PKD1L1: variants seen among roughly 807,000 people sequenced by gnomAD.
The protein encoded by PKD1L1 is polycystin 1 like 1, transient receptor potential channel interacting.
In PKD1L1, 236 loss-of-function variants were observed where a neutral mutation model predicts 323.4. The ratio of observed to expected loss-of-function variants is 0.73; its 90% confidence interval spans 0.66 to 0.81. PKD1L1 has a LOEUF of 0.81. Among genes scored for constraint, PKD1L1 ranks in the 40% least tolerant of loss-of-function variants. The probability of loss-of-function intolerance (pLI) is 0.00; values close to 1 mark genes in which losing one functional copy is unlikely to be tolerated. For missense variants in PKD1L1, 3,320 were observed against 3,508.0 expected (o/e 0.95, Z 1.35); for synonymous variants, 1,344 against 1,335.0 (o/e 1.01, Z -0.15).
the PKD1L1 span, among the ~76,000 whole-genome samples, chr7:47,960,398 T>TAAAA: frequency 2.4e-3 from 260 of 107,500 alleles, 5 homozygotes; most frequent in Non-Finnish European, 2.7e-3. Flanking sequence ...AAAAAAACTG[T>TAAAA]AAAAAAGAAA....
At chr7:47,829,304 T>A (rs749429709) in intron 44 of PKD1L1, 121 bp downstream of exon 44, 46 of 952,880 alleles carry the variant, frequency 4.8e-5, no homozygotes, top group Non-Finnish European at 6.5e-5. Flanking sequence ...AATTAAGACA[T>A]CCCATGGGTC....
chr7:47,861,465 A>G (rs1038568324), intron 26 of PKD1L1, among the ~76,000 whole-genome samples: 20 of 152,222 alleles, frequency 1.3e-4, no homozygotes, highest in Admixed American at 1.3e-3. Flanking sequence ...ATGGGAAAAC[A>G]TACCATTTCA....
chr7:47,920,652 C>A (rs900547655), intron 7 of PKD1L1, among the ~76,000 whole-genome samples: 1 of 152,172 alleles, frequency 6.6e-6, no homozygotes, highest in Admixed American at 6.5e-5. Flanking sequence ...TATTATGAAG[C>A]CATAGTCACC....
intron 56 of PKD1L1, among the ~76,000 whole-genome samples, chr7:47,788,579 T>TATATATATA (rs200657195): frequency 3.8e-4 from 27 of 70,660 alleles, no homozygotes; most frequent in South Asian, 2.4e-3. Flanking sequence ...ATATATATAT[T>TATATATATA]TTTTTTTTTT....
At chr7:47,807,385 G>A (rs1055261885) in intron 52 of PKD1L1, among the ~76,000 whole-genome samples, 5 of 152,094 alleles carry the variant, frequency 3.3e-5, no homozygotes, top group African/African-American at 4.8e-5. Context: ...GGGTGAGAGG[G>A]AGGTTGTGGG....
At chr7:47,959,504 C>A in the PKD1L1 span, among the ~76,000 whole-genome samples, 7 of 150,426 alleles carry the variant, frequency 4.7e-5, no homozygotes, top group Non-Finnish European at 1.0e-4. Context: ...AGCGCCTCTA[C>A]CCGGCCGCGA....
At position 47,886,866 on chromosome 7, in the gene PKD1L1, T is replaced by C. The variant is rs77413143; in HGVS notation, c.2837-812A>G. Among the ~76,000 whole-genome samples the C allele has an allele frequency of 6.7e-3, 1,021 of 152,236 alleles. 14 individuals carry two copies. The highest frequency in any genetic ancestry group is 0.023 in the African/African-American group (959 of 41,530). On this transcript the variant is annotated intron_variant, in intron 17 of 56. Transcript: ENST00000289672. Reference sequence around the variant, plus strand: ...GGAATAATACAGCAAGTATCTAGTATAACAGTTTTCAAAACTGCTGTTAGA... The same window carrying C: ...GGAATAATACAGCAAGTATCTAGTACAACAGTTTTCAAAACTGCTGTTAGA...
chr7:47,880,194 C>T (rs867086696), intron 21 of PKD1L1, among the ~76,000 whole-genome samples: 4 of 138,114 alleles, frequency 2.9e-5, no homozygotes, highest in Non-Finnish European at 4.6e-5. Flanking sequence ...AGAGAGATTA[C>T]GGACAGATTT....
At chr7:47,957,255 C>T in the PKD1L1 span, 251 of 156,256 alleles carry the variant, frequency 1.6e-3, no homozygotes, top group Non-Finnish European at 2.7e-3. Context: ...AGTTCATCAA[C>T]ATTGACAATA....
intron 16 of PKD1L1, among the ~76,000 whole-genome samples, chr7:47,888,705 G>C (rs530270893): frequency 9.9e-5 from 15 of 152,226 alleles, no homozygotes; most frequent in Admixed American, 5.9e-4. Context: ...GTGGGTCATG[G>C]GCAGTTCACA....
At chr7:47,818,018 C>G (rs753749468) in intron 46 of PKD1L1, 2 of 1,360,718 alleles carry the variant, frequency 1.5e-6, no homozygotes, top group East Asian at 4.6e-5. Flanking sequence ...AGAACTTAAT[C>G]TTTGCAGGTC....
intron 52 of PKD1L1, among the ~76,000 whole-genome samples, chr7:47,807,135 T>C (rs183421000): frequency 6.6e-6 from 1 of 152,200 alleles, no homozygotes; most frequent in East Asian, 1.9e-4. Flanking sequence ...GCCTTGCTTG[T>C]GCGAGTGTTC....
At chr7:47,872,784 C>G (rs1418899362) in intron 24 of PKD1L1, among the ~76,000 whole-genome samples, 1 of 152,154 alleles carries the variant, frequency 6.6e-6, no homozygotes. Context: ...TTGGTAGTTA[C>G]CATAGGACAC....
chr7:47,889,344 A>G (rs1419416455), intron 16 of PKD1L1, among the ~76,000 whole-genome samples: 1 of 151,956 alleles, frequency 6.6e-6, no homozygotes, highest in Non-Finnish European at 1.5e-5. Context: ...TATTTTTGGA[A>G]TAGAAGTATT....
At chr7:47,921,238 C>CAAAAAAAAAAAAAAAAAAAAAAAA (rs139205889) in intron 7 of PKD1L1, among the ~76,000 whole-genome samples, 2 of 79,592 alleles carry the variant, frequency 2.5e-5, no homozygotes, top group Non-Finnish European at 2.3e-5. Context: ...AGACAATTCT[C>CAAAAAAAAAAAAAAAAAAAAAAAA]AAAAAAAAAA....
chr7:47,813,465 C>T (rs1011451837), intron 48 of PKD1L1, 172 bp from the exon 49 acceptor site: 5 of 769,274 alleles, frequency 6.5e-6, no homozygotes, highest in Non-Finnish European at 1.1e-5. Context: ...CAGACTCTAG[C>T]TCAAGCTACA....
rs143404614 is a variant in PKD1L1 at position 47,842,863 on chromosome 7, G to T, written c.5445+99C>A. 136 of 1,135,426 alleles carry T rather than the reference G, an allele frequency of 1.2e-4. No homozygotes were observed. In the African/African-American group the frequency reaches 1.9e-3, roughly 16 times the overall value. 70.3% of individuals were successfully genotyped at this position (1,135,426 alleles called of 1,614,324 possible). On this transcript the variant is annotated intron_variant, in intron 34 of 56. Transcript: ENST00000289672. ...CTCAGCAATGAGATGAGGCTGCTGT[G>T]ACAGGTGACAGACGGGGCAGCCAAA...
At chr7:47,924,529 T>C (rs1787620955) in intron 7 of PKD1L1, among the ~76,000 whole-genome samples, 1 of 152,206 alleles carries the variant, frequency 6.6e-6, no homozygotes, top group Non-Finnish European at 1.5e-5. Flanking sequence ...AGACAACCTA[T>C]AGAAACACAA....
chr7:47,941,133 C>G (rs868008901), intron 2 of PKD1L1, among the ~76,000 whole-genome samples: 11 of 152,362 alleles, frequency 7.2e-5, no homozygotes, highest in Middle Eastern at 6.8e-3. Flanking sequence ...GCCCCCACCC[C>G]TCTCATCCCC....
Sources: allele counts gnomAD v4.1 joint callset (sites outside exome capture counted in the v4.1 genomes callset), GRCh38; gene constraint gnomAD v4.1.1; transcripts MANE v1.5; gene names NCBI Gene and HGNC (gene_info 2026-07-23, HGNC 2026-07-21).